The following MSH3 variants were observed in gnomAD, a reference collection of about 807,000 sequenced individuals.
The protein encoded by MSH3 is mutS homolog 3, also known as DNA mismatch repair protein Msh3.
A neutral mutation model predicts 123.3 loss-of-function variants in MSH3; 106 were observed. The observed-to-expected ratio is 0.86, with a 90% CI of 0.73 to 1.01. The LOEUF is 1.01. MSH3 is among the 50% of genes least tolerant of loss of function. MSH3 has a pLI of 0.00. For missense variants in MSH3, 1,459 were observed against 1,347.6 expected, an observed-to-expected ratio of 1.08 and a Z score of -1.29; for synonymous variants, 515 against 481.4, an observed-to-expected ratio of 1.07 and a Z score of -0.91.
In MSH3 at chr5:80,782,974, T is replaced by G. The variant is rs1744436330; in HGVS notation, c.2435+4138T>G. Among the ~76,000 whole-genome samples, 3 of 152,238 alleles carry G rather than the reference T, an allele frequency of 2.0e-5. No homozygotes were observed. The South Asian group carries it at 6.2e-4, about 32-fold the overall frequency. On this transcript the variant is annotated intron_variant, in intron 17 of 23. Transcript: ENST00000265081. ...ATTAAATCCTCCCTTGAAACATGTC[T>G]CTCTTTTTTTTGTTCTAGAAGATGG...
intron 12 of MSH3, among the ~76,000 whole-genome samples, chr5:80,751,121 C>T (rs1312393988): frequency 6.6e-6 from 1 of 152,018 alleles, no homozygotes; most frequent in Non-Finnish European, 1.5e-5. Flanking sequence ...GCATAGATTT[C>T]AAAAAATTTT....
At chr5:80,766,530 A>C (rs1744127385) in intron 13 of MSH3, among the ~76,000 whole-genome samples, 1 of 151,568 alleles carries the variant, frequency 6.6e-6, no homozygotes, top group Non-Finnish European at 1.5e-5. Context: ...TTTTTAGTAG[A>C]GATGGGGTTT....
intron 2 of MSH3, among the ~76,000 whole-genome samples, chr5:80,663,753 TA>T (rs1181304206): frequency 6.6e-6 from 1 of 151,058 alleles, no homozygotes; most frequent in Non-Finnish European, 1.5e-5. Context: ...TGAAGAGGTT[TA>T]AATATAAATA....
intron 19 of MSH3, among the ~76,000 whole-genome samples, chr5:80,801,296 C>G (rs1744785659): frequency 6.6e-6 from 1 of 152,220 alleles, no homozygotes; most frequent in African/African-American, 2.4e-5. Context: ...ACTGCAGTCA[C>G]CTGCCTGGGC....
chr5:80,799,728 G>A (rs899717472), intron 19 of MSH3, among the ~76,000 whole-genome samples: 14 of 151,832 alleles, frequency 9.2e-5, no homozygotes, highest in Non-Finnish European at 1.0e-4. Context: ...TTGAGCAAGC[G>A]TCCCCATTGA....
chr5:80,692,776 ATGTT>A (rs969308008), intron 8 of MSH3, among the ~76,000 whole-genome samples: 11 of 99,520 alleles, frequency 1.1e-4, no homozygotes, highest in African/African-American at 3.0e-4. Context: ...ACACATGTAT[ATGTT>A]TGATAAATAT....
intron 20 of MSH3, among the ~76,000 whole-genome samples, chr5:80,851,968 A>G (rs1745837421): frequency 6.6e-6 from 1 of 152,194 alleles, no homozygotes; most frequent in African/African-American, 2.4e-5. Flanking sequence ...TTCTAACAAG[A>G]CCACTCTGTT....
intron 20 of MSH3, among the ~76,000 whole-genome samples, chr5:80,833,844 A>G (rs1382499840): frequency 6.8e-6 from 1 of 147,552 alleles, no homozygotes; most frequent in African/African-American, 2.5e-5. Context: ...TATTTACAAC[A>G]TAGCAGAATA....
chr5:80,789,224 C>T (rs1326426010), intron 18 of MSH3, among the ~76,000 whole-genome samples: 1 of 151,992 alleles, frequency 6.6e-6, no homozygotes, highest in Non-Finnish European at 1.5e-5. Context: ...TTTTCTTTTA[C>T]AATGAATTTG....
rs1246897291 is a variant in MSH3 at position 80,798,907 on chromosome 5, C to T, written c.2655+6063C>T. Among the ~76,000 whole-genome samples the T allele has an allele frequency of 2.6e-5, 4 of 152,232 alleles. No homozygotes were observed. The South Asian group carries it at 6.2e-4, about 24-fold the overall frequency. On this transcript the variant is annotated intron_variant, in intron 19 of 23. Transcript: ENST00000265081. ...GCCTCTTCCTGAGAGCCTTCACCAT[C>T]CTCTGGCCAGAAAAAATCCCTTTCT...
chr5:80,691,779 A>G (rs1027042093), intron 8 of MSH3, among the ~76,000 whole-genome samples: 4 of 77,740 alleles, frequency 5.1e-5, no homozygotes, highest in East Asian at 3.3e-4. Context: ...GTACATATAT[A>G]TGTTTATATA....
intron 11 of MSH3, among the ~76,000 whole-genome samples, chr5:80,742,022 T>C (rs1207449004): frequency 6.6e-6 from 1 of 152,108 alleles, no homozygotes; most frequent in Non-Finnish European, 1.5e-5. Flanking sequence ...TTTTTCTTCT[T>C]TGAGACAGAG....
intron 2 of MSH3, 74 bp downstream of exon 2, chr5:80,656,605 G>GC: frequency 6.3e-7 from 1 of 1,599,862 alleles, no homozygotes; most frequent in Non-Finnish European, 8.6e-7. Flanking sequence ...GGGCAGAAGA[G>GC]CGTATTAGAA....
chr5:80,787,167 A>C (rs1243471626), intron 17 of MSH3, among the ~76,000 whole-genome samples: 1 of 152,130 alleles, frequency 6.6e-6, no homozygotes, highest in Non-Finnish European at 1.5e-5. Flanking sequence ...GTTATTCCGG[A>C]TTTGGAGGAT....
At chr5:80,698,296 A>G (rs1254900033) in intron 8 of MSH3, among the ~76,000 whole-genome samples, 2 of 152,192 alleles carry the variant, frequency 1.3e-5, no homozygotes, top group Non-Finnish European at 2.9e-5. Flanking sequence ...TCATTTATTC[A>G]TCCTTAAACA....
intron 15 of MSH3, among the ~76,000 whole-genome samples, chr5:80,774,982 T>C (rs1744274653): frequency 6.6e-6 from 1 of 152,212 alleles, no homozygotes; most frequent in Non-Finnish European, 1.5e-5. Flanking sequence ...GCACAAAAGA[T>C]AAATGCTTGA....
At chr5:80,678,853 T>C in intron 7 of MSH3, 74 bp from the exon 8 acceptor site, 3 of 1,533,006 alleles carry the variant, frequency 2.0e-6, no homozygotes, top group Non-Finnish European at 2.7e-6. Flanking sequence ...ACTTTTTCCA[T>C]GTTTATGCTG....
intron 8 of MSH3, among the ~76,000 whole-genome samples, chr5:80,686,247 T>C (rs181581888): frequency 1.3e-5 from 2 of 152,322 alleles, no homozygotes; most frequent in Admixed American, 1.3e-4. Context: ...ATTTTCTGTC[T>C]GGAAGATCTG....
chr5:80,729,413 C>CCAA (rs1554070349), intron 10 of MSH3, among the ~76,000 whole-genome samples: 1 of 66,286 alleles, frequency 1.5e-5, no homozygotes, highest in Non-Finnish European at 2.8e-5. Flanking sequence ...GACTCCGTCC[C>CCAA]AAAAAAAAAA....
Sources: gnomAD v4.1 joint callset for allele counts (sites outside exome capture counted in the v4.1 genomes callset) on GRCh38, gnomAD v4.1.1 for gene constraint, MANE v1.5 for transcripts, NCBI Gene and HGNC (gene_info 2026-07-23, HGNC 2026-07-21) for gene names.